PSMC6: variants seen among roughly 807,000 people sequenced by gnomAD.
PSMC6 encodes the protein 26S proteasome regulatory subunit 10B.
A neutral mutation model predicts 55.9 loss-of-function variants in PSMC6; 3 were observed. The ratio of observed to expected loss-of-function variants is 0.05; its 90% CI spans 0.02 to 0.14. The LOEUF (loss-of-function observed/expected upper bound fraction) is 0.14, where lower values mean the gene tolerates loss of function less well. Among genes scored for constraint, PSMC6 ranks in the 10% least tolerant of loss-of-function variants. The pLI, the probability that PSMC6 is intolerant of heterozygous loss-of-function variation, is 1.00. For missense variants in PSMC6, 210 were observed against 478.7 expected, an observed-to-expected ratio of 0.44 and a Z score of 5.24; for synonymous variants, 137 against 155.9, an observed-to-expected ratio of 0.88 and a Z score of 0.90.
intron 7 of PSMC6, among the ~76,000 whole-genome samples, chr14:52,716,821 ACT>A (rs747066855): frequency 5.3e-5 from 8 of 152,228 alleles, no homozygotes; most frequent in African/African-American, 1.4e-4. Flanking sequence ...AAAAAAGGAA[ACT>A]CTGTCATTTG....
intron 7 of PSMC6, among the ~76,000 whole-genome samples, chr14:52,714,278 G>T (rs1046252977): frequency 4.6e-5 from 7 of 152,114 alleles, no homozygotes; most frequent in African/African-American, 1.7e-4. Flanking sequence ...GGACTCAAGC[G>T]ATCTGCCCAC....
chr14:52,716,525 G>A (rs1462232958), intron 7 of PSMC6, among the ~76,000 whole-genome samples: 7 of 152,262 alleles, frequency 4.6e-5, no homozygotes, highest in Non-Finnish European at 8.8e-5. Context: ...AGGCCGAGGC[G>A]GGCGGATCAC....
At chr14:52,707,454 G>C in intron 1 of PSMC6, 150 bp downstream of exon 1, 5 of 1,041,228 alleles carry the variant, frequency 4.8e-6, no homozygotes, top group Non-Finnish European at 5.5e-6. Context: ...CCGGCCCTGA[G>C]CTTGTGGAGC....
Position 52,708,835 on chromosome 14 carries a change from A to G in PSMC6, c.258+19A>G, listed in dbSNP as rs1261112328. On this transcript the variant is annotated intron_variant, in intron 4 of 13. Coordinates refer to ENST00000445930, the MANE Select transcript of PSMC6 (RefSeq NM_002806.5). ...TCGACAGGTAATACTTTATATTTGT[A>G]TAGTGCCTGATGATTGACAAAGCAG... is the stretch of plus-strand genomic sequence containing the variant. 1.9e-6 allele frequency: 3 copies of G among 1,610,806 alleles called. No homozygotes were observed. Among genetic ancestry groups the G allele is most frequent in the East Asian group, 2.2e-5 (1 of 44,806 alleles).
At chr14:52,721,888 C>T (rs1880197775) in intron 12 of PSMC6, 1 of 152,604 alleles carries the variant, frequency 6.6e-6, no homozygotes, top group African/African-American at 2.4e-5. Flanking sequence ...ACCTCAGCCT[C>T]CTGATTAGCT....
rs1880485916 is a variant in PSMC6, at chr14:52,727,873, T to C, written c.*256T>C. 6 of 315,634 alleles carry C rather than the reference T, an allele frequency of 1.9e-5. No homozygotes were observed. The South Asian group carries it at 2.8e-4, about 15-fold the overall frequency. 19.6% of individuals were successfully genotyped at this position (315,634 alleles called of 1,614,324 possible). A position where few individuals can be genotyped will look rare whatever the true frequency, so the allele number is the denominator to read the frequency against. On this transcript the variant is annotated 3_prime_UTR_variant, in exon 14 of 14. Coordinates refer to ENST00000445930, the MANE Select transcript of PSMC6 (RefSeq NM_002806.5). ...TCATATTTGCTGCGTGAGCATTTTG[T>C]AAAATATTGAAAGTGGTTTGAGATA...
At chr14:52,716,205 A>T (rs2041828705) in intron 7 of PSMC6, among the ~76,000 whole-genome samples, 1 of 152,260 alleles carries the variant, frequency 6.6e-6, no homozygotes, top group Non-Finnish European at 1.5e-5. Flanking sequence ...TGTTTGCAAG[A>T]TGTAGAGAAA....
intron 13 of PSMC6, 35 bp downstream of exon 13, chr14:52,724,071 T>C (rs1594854879): frequency 6.3e-7 from 1 of 1,580,508 alleles, no homozygotes; most frequent in Non-Finnish European, 8.7e-7. Context: ...CTATTGATTT[T>C]GATTTTTAAA....
chr14:52,708,478 C>T lies in PSMC6; in HGVS notation c.166-5C>T, dbSNP rs1566655680. The T allele has an allele frequency of 6.2e-7, 1 of 1,613,766 alleles. No individual in the cohort carries two copies. Among genetic ancestry groups the T allele is most frequent in the South Asian group, 1.1e-5 (1 of 91,038 alleles). Reference sequence around the variant, plus strand: ...AAAAGTAATGCTTTTTATTTTCTTCCTTAGATCGTGGGTGAAGTGCTTAAA... The same window carrying T: ...AAAAGTAATGCTTTTTATTTTCTTCTTTAGATCGTGGGTGAAGTGCTTAAA... On this transcript the variant is annotated splice_polypyrimidine_tract_variant and splice_region_variant and intron_variant, in intron 2 of 13. Transcript: ENST00000445930.
In PSMC6 at chr14:52,728,198, C is replaced by T. The variant is rs1010938715; in HGVS notation, c.*581C>T. 6.6e-6 allele frequency: 1 copy of T among 152,290 alleles called. No homozygotes were observed. Among genetic ancestry groups the T allele is most frequent in the Admixed American group, 6.5e-5 (1 of 15,282 alleles). 9.4% of individuals were successfully genotyped at this position (152,290 alleles called of 1,614,324 possible). A position where few individuals can be genotyped will look rare whatever the true frequency, so the allele number is the denominator to read the frequency against. On this transcript the variant is annotated 3_prime_UTR_variant, in exon 14 of 14. Coordinates refer to ENST00000445930, the MANE Select transcript of PSMC6 (RefSeq NM_002806.5). ...TACTCCTCCTTTCAGAAAGTGTTTA[C>T]ATATTCTTCATCTACTGTGATTAAG...
intron 6 of PSMC6, among the ~76,000 whole-genome samples, chr14:52,713,571 A>T (rs977145247): frequency 6.6e-6 from 1 of 152,130 alleles, no homozygotes; most frequent in African/African-American, 2.4e-5. Flanking sequence ...TAATTACATT[A>T]AAAAAATGTA....
chr14:52,720,893 G>C lies in PSMC6; in HGVS notation c.810G>C (p.Leu270=). Residue 270 remains leucine, a synonymous_variant, in exon 11 of 14, where the codon CTG becomes CTC. Coordinates refer to ENST00000445930, the MANE Select transcript of PSMC6 (RefSeq NM_002806.5). The stretch of plus-strand genomic sequence containing the variant: ...ATCAAATGGATGGATTTGATACTCT[G>C]CATAGAGTTAAAATGATCATGGCTA... ...LLNQMDGFDT[L]HRVKMIMATN... 2 of 1,607,990 alleles carry C rather than the reference G, an allele frequency of 1.2e-6. No individual in the cohort carries two copies. The highest frequency in any genetic ancestry group is 1.7e-6 in the Non-Finnish European group (2 of 1,174,850).
chr14:52,709,480 C>T (rs2041741913), intron 4 of PSMC6: 1 of 377,540 alleles, frequency 2.6e-6, no homozygotes, highest in Non-Finnish European at 5.1e-6. Flanking sequence ...TATAAATCTC[C>T]TATTAGGATT....
chr14:52,710,253 C>G (rs1422142159), intron 4 of PSMC6: 1 of 152,232 alleles, frequency 6.6e-6, no homozygotes, highest in Non-Finnish European at 1.5e-5. Flanking sequence ...TGGTGAAACC[C>G]CGTCTTTACT....
chr14:52,721,086 T>G, intron 11 of PSMC6, 24 bp from the exon 12 acceptor site: 1 of 1,578,572 alleles, frequency 6.3e-7, no homozygotes, highest in Non-Finnish European at 8.6e-7. Context: ...AAAACTGGAC[T>G]ATAAAATAAT....
rs1594845503 is a variant in PSMC6, at chr14:52,707,273, A to C, written c.54A>C (p.Glu18Asp). The change falls in exon 1 of 14, where the codon GAA becomes GAC. Residue 18 changes from glutamate to aspartate, a missense_variant. Physicochemically the swap from Glu to Asp is conservative, Grantham distance 45 (BLOSUM62 2). This residue lies in a region of PSMC6 where 101 missense variants were observed against 250.4 expected (regional missense o/e 0.40). Coordinates refer to ENST00000445930, the MANE Select transcript of PSMC6 (RefSeq NM_002806.5). The stretch of plus-strand genomic sequence containing the variant: ...AGGACTACCGCAAGAAGTTGCTTGA[A>C]CACAAGGAGATCGACGGCCGTCTTA... ...ALQDYRKKLL[E>D]HKEIDGRLKE... 6.2e-7 allele frequency: 1 copy of C among 1,614,008 alleles called. No homozygotes were observed. The highest frequency in any genetic ancestry group is 8.5e-7 in the Non-Finnish European group (1 of 1,180,048).
intron 6 of PSMC6, 142 bp from the exon 7 acceptor site, chr14:52,713,739 T>C (rs2041800011): frequency 6.4e-6 from 3 of 468,610 alleles, no homozygotes; most frequent in Admixed American, 3.8e-5. Flanking sequence ...TTAATATAAA[T>C]GGTTTTACCT....
intron 5 of PSMC6, 40 bp from the exon 6 acceptor site, chr14:52,711,370 T>G (rs775535046): frequency 2.7e-5 from 41 of 1,511,726 alleles, no homozygotes; most frequent in Non-Finnish European, 3.7e-5. Flanking sequence ...TAAGAGAAAA[T>G]ATATCTTTCA....
intron 13 of PSMC6, among the ~76,000 whole-genome samples, chr14:52,725,826 G>A (rs1408833392): frequency 6.6e-6 from 1 of 152,172 alleles, no homozygotes. Flanking sequence ...GGCATCTCTT[G>A]TGCAGATTTA....
Sources: gnomAD v4.1 joint callset for allele counts (sites outside exome capture counted in the v4.1 genomes callset) on GRCh38, gnomAD v4.1.1 for gene constraint, gnomAD v4.1.1 regional missense constraint, MANE v1.5 for transcripts, NCBI Gene and HGNC (gene_info 2026-07-23, HGNC 2026-07-21) for gene names.